Variants in RCAN1 observed in about 807,000 individuals in gnomAD.
RCAN1 encodes the protein calcipressin-1.
In RCAN1, 11 loss-of-function variants were observed where a neutral mutation model predicts 22.9. The observed-to-expected ratio is 0.48, with a 90% CI of 0.30 to 0.79. The LOEUF (loss-of-function observed/expected upper bound fraction) is 0.79, where lower values mean the gene tolerates loss of function less well. Among genes scored for constraint, RCAN1 ranks in the 30% least tolerant of loss-of-function variants. The pLI, the probability that RCAN1 is intolerant of heterozygous loss-of-function variation, is 0.06. For missense variants in RCAN1, 291 were observed against 337.8 expected (o/e 0.86, Z 1.09); for synonymous variants, 136 against 142.3 (o/e 0.96, Z 0.32).
intron 1 of RCAN1, among the ~76,000 whole-genome samples, chr21:34,589,788 G>C (rs1046167227): frequency 6.6e-6 from 1 of 152,076 alleles, no homozygotes; most frequent in African/African-American, 2.4e-5. Context: ...CCTCGGGCTG[G>C]GATTTATACC....
intron 1 of RCAN1, among the ~76,000 whole-genome samples, chr21:34,603,168 A>T (rs994077658): frequency 2.6e-5 from 4 of 152,192 alleles, no homozygotes; most frequent in Non-Finnish European, 5.9e-5. Context: ...TGCCTGAAAT[A>T]AAGTGTAAGT....
chr21:34,614,669 C>A lies in RCAN1; in HGVS notation c.252+91G>T. The A allele has an allele frequency of 2.6e-6, 3 of 1,175,416 alleles. No homozygotes were observed. The highest frequency in any genetic ancestry group is 4.7e-5 in the Admixed American group (1 of 21,378). The allele number at this position is 1,175,416 out of a possible 1,614,324, so 72.8% of individuals were successfully genotyped here. On this transcript the variant is annotated intron_variant, in intron 1 of 3. Coordinates refer to ENST00000313806, the MANE Select transcript of RCAN1 (RefSeq NM_004414.7). The surrounding 1 kb of genome is among the most constrained non-coding windows in gnomAD (Gnocchi z 6.0). Reference sequence around the variant, plus strand: ...CGTCGCTGCCTCCCCGCCCCGCGCGCGGCCGGGACTGGGCGCTGCGACCCG... The same window carrying A: ...CGTCGCTGCCTCCCCGCCCCGCGCGAGGCCGGGACTGGGCGCTGCGACCCG...
At position 34,546,747 on chromosome 21, in the gene RCAN1, T is replaced by C. The variant is rs115625388; in HGVS notation, c.253-23037A>G. ...GGAGGAAGCAGGTTTAGAATAGCAATGGGTTTTTCCCTGAGATGTACATTT... is the reference window on the plus strand; with the variant it reads ...GGAGGAAGCAGGTTTAGAATAGCAACGGGTTTTTCCCTGAGATGTACATTT... On this transcript the variant is annotated intron_variant, in intron 1 of 3. Coordinates refer to ENST00000313806, the MANE Select transcript of RCAN1 (RefSeq NM_004414.7). Among the ~76,000 whole-genome samples, 480 of 152,312 alleles carry C rather than the reference T, an allele frequency of 3.2e-3. 3 individuals carry two copies. Among genetic ancestry groups the C allele is most frequent in the African/African-American group, 0.011 (455 of 41,572 alleles).
At position 34,529,605 on chromosome 21, in the gene RCAN1, G is replaced by A. The variant is rs374717405; in HGVS notation, c.253-5895C>T. On this transcript the variant is annotated intron_variant, in intron 1 of 3. Coordinates refer to ENST00000313806, the MANE Select transcript of RCAN1 (RefSeq NM_004414.7). ...GATTCTCCCCACTGAGAATAAAAAC[G>A]GATCCAAAGCAAGTATTTAAAAAGC... Among the ~76,000 whole-genome samples the A allele has an allele frequency of 3.3e-5, 5 of 152,208 alleles. No individual in the cohort carries two copies. In the South Asian group the frequency reaches 6.2e-4, roughly 19 times the overall value.
intron 1 of RCAN1, among the ~76,000 whole-genome samples, chr21:34,573,176 G>GT (rs1987291769): frequency 1.3e-5 from 2 of 152,196 alleles, no homozygotes; most frequent in Non-Finnish European, 2.9e-5. Flanking sequence ...CTGACTTGAT[G>GT]TAAATGGATA....
At chr21:34,558,716 C>G (rs1986678708) in intron 1 of RCAN1, among the ~76,000 whole-genome samples, 1 of 152,230 alleles carries the variant, frequency 6.6e-6, no homozygotes, top group Non-Finnish European at 1.5e-5. Context: ...GACACTGGTT[C>G]TAGGAGTCTG....
chr21:34,564,216 A>T (rs1396627713), intron 1 of RCAN1, among the ~76,000 whole-genome samples: 1 of 152,036 alleles, frequency 6.6e-6, no homozygotes, highest in African/African-American at 2.4e-5. Context: ...CGATCTGACC[A>T]CCTCCACCTG....
chr21:34,525,287 C>T, intron 1 of RCAN1: 3 of 1,548,738 alleles, frequency 1.9e-6, no homozygotes, highest in Non-Finnish European at 2.6e-6. Context: ...TCGGAACAAC[C>T]TACGACCTTG....
intron 1 of RCAN1, among the ~76,000 whole-genome samples, chr21:34,611,061 T>G (rs1266133962): frequency 6.6e-6 from 1 of 152,216 alleles, no homozygotes; most frequent in East Asian, 1.9e-4. Flanking sequence ...CGGAACTATA[T>G]TCACTGCTTG....
At chr21:34,525,459 C>T in intron 1 of RCAN1, 2 of 1,334,894 alleles carry the variant, frequency 1.5e-6, no homozygotes, top group Non-Finnish European at 2.0e-6. Context: ...TGAGCACGGG[C>T]AAGTTTCTGG....
Position 34,531,770 on chromosome 21 carries a change from C to T in RCAN1, c.253-8060G>A, listed in dbSNP as rs146578826. ...TGGCTTATATGCCTCAAAACACACT[C>T]CCCTCTTCTCTTCCCCAAGTCTCTG... On this transcript the variant is annotated intron_variant, in intron 1 of 3. Transcript: ENST00000313806. 5.0e-3 allele frequency among the ~76,000 whole-genome samples: 767 copies of T among 152,214 alleles called. 14 individuals carry two copies. Among genetic ancestry groups the T allele is most frequent in the African/African-American group, 0.018 (728 of 41,522 alleles).
intron 1 of RCAN1, among the ~76,000 whole-genome samples, chr21:34,601,773 G>A (rs953895549): frequency 1.1e-4 from 17 of 148,956 alleles, no homozygotes; most frequent in South Asian, 6.4e-4. Context: ...AGCCGAGATC[G>A]TGCCACTGCA....
chr21:34,521,251 C>T (rs1197181001), intron 3 of RCAN1: 10 of 1,434,890 alleles, frequency 7.0e-6, no homozygotes, highest in African/African-American at 4.3e-5. Flanking sequence ...TGGGACACTG[C>T]GGGGGGTGGA....
intron 1 of RCAN1, among the ~76,000 whole-genome samples, chr21:34,544,330 C>G (rs1601157940): frequency 2.0e-5 from 3 of 152,292 alleles, no homozygotes; most frequent in Admixed American, 2.0e-4. Flanking sequence ...GTTGCTGATT[C>G]TGAAGATGGA....
chr21:34,569,349 C>T (rs1987152601), intron 1 of RCAN1, among the ~76,000 whole-genome samples: 1 of 152,126 alleles, frequency 6.6e-6, no homozygotes. Flanking sequence ...GGAAGAATTG[C>T]TATATAGGAA....
At chr21:34,563,819 A>AGAGG (rs543543325) in intron 1 of RCAN1, among the ~76,000 whole-genome samples, 247 of 138,684 alleles carry the variant, frequency 1.8e-3, no homozygotes, top group East Asian at 7.9e-3. Context: ...AGAGAGAGAG[A>AGAGG]GGCAGGCATG....
chr21:34,546,617 C>G (rs1306207384), intron 1 of RCAN1, among the ~76,000 whole-genome samples: 3 of 152,174 alleles, frequency 2.0e-5, no homozygotes, highest in Non-Finnish European at 2.9e-5. Context: ...AGTTTAAAGA[C>G]AGACACTGCA....
intron 1 of RCAN1, among the ~76,000 whole-genome samples, chr21:34,529,359 C>T (rs1176435404): frequency 6.6e-6 from 1 of 152,136 alleles, no homozygotes; most frequent in Non-Finnish European, 1.5e-5. Context: ...TCCTTAGTGG[C>T]ACTTGGACAC....
At chr21:34,578,465 T>G (rs1987488294) in intron 1 of RCAN1, among the ~76,000 whole-genome samples, 1 of 152,202 alleles carries the variant, frequency 6.6e-6, no homozygotes, top group Admixed American at 6.5e-5. Flanking sequence ...CTACCTATTC[T>G]TATCATCTCT....
Sources: gnomAD v4.1 joint callset for allele counts (sites outside exome capture counted in the v4.1 genomes callset) on GRCh38, gnomAD v4.1.1 for gene constraint, Gnocchi (gnomAD v3.1) non-coding constraint, MANE v1.5 for transcripts, NCBI Gene and HGNC (gene_info 2026-07-23, HGNC 2026-07-21) for gene names.